The following COL19A1 variants were observed in gnomAD, a reference collection of about 807,000 sequenced individuals.
The protein encoded by COL19A1 is collagen type XIX alpha 1 chain.
Under a neutral mutation model 190.2 loss-of-function variants are expected in COL19A1, and 159 were observed. That is an observed-to-expected ratio of 0.84 (90% CI 0.73 to 0.95). The LOEUF (loss-of-function observed/expected upper bound fraction) is 0.95, where lower values mean the gene tolerates loss of function less well. COL19A1 is among the 40% of genes least tolerant of loss of function. The pLI is 0.00. For synonymous variants in COL19A1, 509 were observed against 458.9 expected, an observed-to-expected ratio of 1.11 and a Z score of -1.39; for missense variants, 1,418 against 1,431.9, an observed-to-expected ratio of 0.99 and a Z score of 0.16.
At chr6:69,908,389 G>T (rs935439659) in intron 4 of COL19A1, among the ~76,000 whole-genome samples, 39 of 152,106 alleles carry the variant, frequency 2.6e-4, no homozygotes, top group African/African-American at 8.7e-4. Flanking sequence ...TTACAAAGTT[G>T]TCCAGCTGTT....
intron 15 of COL19A1, among the ~76,000 whole-genome samples, chr6:70,080,252 T>A (rs1215481200): frequency 6.6e-6 from 1 of 152,200 alleles, no homozygotes; most frequent in Non-Finnish European, 1.5e-5. Context: ...ACCTACTACT[T>A]TCTTCCCTCA....
Position 69,900,329 on chromosome 6 carries a change from G to A in COL19A1, c.257G>A (p.Arg86Lys), listed in dbSNP as rs778117745. The A allele has an allele frequency of 5.8e-6, 9 of 1,543,530 alleles. No homozygotes were observed. The highest frequency in any genetic ancestry group is 7.0e-6 in the Non-Finnish European group (8 of 1,135,724). ...CFKLGSALLIRDTIKIFPKGL... is the reference protein window; with the variant it reads ...CFKLGSALLIKDTIKIFPKGL... ...AAATTGGGAAGTGCACTTCTTATTA[G>A]AGACACTATGTAAGTAAAAAATTAT... The change falls in exon 4 of 51, where the codon AGA (arginine) becomes AAA (lysine). Residue 86 changes from arginine to lysine, a missense_variant. Physicochemically the swap from Arg to Lys is conservative, Grantham distance 26 (BLOSUM62 2). Transcript: ENST00000620364.
rs1240137608 is a variant in COL19A1, at chr6:70,130,223, G to A, written c.1383G>A (p.Lys461=). 4.3e-6 allele frequency: 7 copies of A among 1,612,374 alleles called. No individual in the cohort carries two copies. Among genetic ancestry groups the A allele is most frequent in the Non-Finnish European group, 5.9e-6 (7 of 1,179,306 alleles). Reference sequence around the variant, plus strand: ...AAGCTGGAGGCCTGAAAGGAGACAAGGTAATCAGATTTTTTTTTTTTAGAT... The same window carrying A: ...AAGCTGGAGGCCTGAAAGGAGACAAAGTAATCAGATTTTTTTTTTTTAGAT... ...EHEAGGLKGD[K]GETGLPGFPG... Residue 461 remains lysine (K), a splice_region_variant and synonymous_variant, in exon 18 of 51, where the codon AAG becomes AAA. Coordinates refer to ENST00000620364, the MANE Select transcript of COL19A1 (RefSeq NM_001858.6).
chr6:70,146,520 C>T lies in COL19A1; in HGVS notation c.1771-139C>T, dbSNP rs1369197033. On this transcript the variant is annotated intron_variant, in intron 25 of 50. Transcript: ENST00000620364. Reference sequence around the variant, plus strand: ...AATCTATAACATATTGAAATTTTTACTCCCCGTTCCTTATTCTTTTATAGA... The same window carrying T: ...AATCTATAACATATTGAAATTTTTATTCCCCGTTCCTTATTCTTTTATAGA... 8 of 472,816 alleles carry T rather than the reference C, an allele frequency of 1.7e-5. No homozygotes were observed. In the East Asian group the frequency reaches 2.9e-4, roughly 17 times the overall value. 29.3% of individuals were successfully genotyped at this position (472,816 alleles called of 1,614,324 possible). A position where few individuals can be genotyped will look rare whatever the true frequency, so the allele number is the denominator to read the frequency against.
intron 1 of COL19A1, among the ~76,000 whole-genome samples, chr6:69,871,439 C>G (rs1380798329): frequency 6.6e-6 from 1 of 152,088 alleles, no homozygotes; most frequent in African/African-American, 2.4e-5. Flanking sequence ...CATTATTTCC[C>G]TTTATAATAA....
chr6:70,056,817 T>C (rs912170350), intron 14 of COL19A1, among the ~76,000 whole-genome samples: 1 of 152,158 alleles, frequency 6.6e-6, no homozygotes, highest in African/African-American at 2.4e-5. Flanking sequence ...TTTTCTCCTC[T>C]TAAACGTTTG....
rs1366310706 is a variant in COL19A1 at position 69,929,693 on chromosome 6, C to G, written c.659C>G (p.Pro220Arg). 6.2e-7 allele frequency: 1 copy of G among 1,610,554 alleles called. No homozygotes were observed. Among genetic ancestry groups the G allele is most frequent in the South Asian group, 1.1e-5 (1 of 90,710 alleles). Residue 220 changes from proline (P) to arginine (R), a missense_variant, in exon 6 of 51, where the codon CCT becomes CGT. Transcript: ENST00000620364. ...GCTACGCGAGCTTCAGATGGCAAGC[C>G]TGTGGATGTAAGTTGTGATGTTAGT... Reference protein sequence around the residue: ...VIATRASDGKPVDIELHQLKI... With the variant: ...VIATRASDGKRVDIELHQLKI...
chr6:70,110,578 A>T (rs1401840507), intron 16 of COL19A1, among the ~76,000 whole-genome samples: 2 of 152,168 alleles, frequency 1.3e-5, no homozygotes, highest in African/African-American at 2.4e-5. Context: ...TGTTCCCAAC[A>T]TTGCTAAAAT....
intron 11 of COL19A1, among the ~76,000 whole-genome samples, chr6:69,970,255 G>A (rs1212954644): frequency 6.6e-6 from 1 of 152,028 alleles, no homozygotes; most frequent in Non-Finnish European, 1.5e-5. Context: ...CTTCTCCCAT[G>A]GCCTAAAATA....
rs1439478080 is a variant in COL19A1, at chr6:70,207,181, C to T, written c.3336C>T (p.Gly1112=). The T allele has an allele frequency of 6.2e-6, 10 of 1,612,898 alleles. No homozygotes were observed. Among genetic ancestry groups the T allele is most frequent in the Middle Eastern group, 1.6e-4 (1 of 6,066 alleles). Residue 1112 remains glycine (G), a synonymous_variant, in exon 51 of 51, where the codon GGC becomes GGT. Coordinates refer to ENST00000620364, the MANE Select transcript of COL19A1 (RefSeq NM_001858.6). ...TGCCAGGCTCACCAGGTGCCCCAGG[C>T]CCACAGGGCCCCCCAGGACCCAGTG... ...LGLPGSPGAP[G]PQGPPGPSGR...
rs1776573623 is a variant in COL19A1, at chr6:69,990,759, T to G, written c.1026+27889T>G. On this transcript the variant is annotated intron_variant, in intron 11 of 50. Coordinates refer to ENST00000620364, the MANE Select transcript of COL19A1 (RefSeq NM_001858.6). ...ATGGTGGTGTGTGCCAAGAGCCACA[T>G]AATGTCTGAAAATCTTTCTTTTTGT... 2.0e-5 allele frequency among the ~76,000 whole-genome samples: 3 copies of G among 152,110 alleles called. No homozygotes were observed. The South Asian group carries it at 6.2e-4, about 31-fold the overall frequency.
At chr6:69,996,478 GGTAA>G (rs1028348040) in intron 11 of COL19A1, among the ~76,000 whole-genome samples, 6 of 151,846 alleles carry the variant, frequency 4.0e-5, no homozygotes, top group Non-Finnish European at 5.9e-5. Context: ...GTGTTAAGAT[GGTAA>G]GCTACAGGTA....
At chr6:70,127,173 G>A (rs1785251936) in intron 17 of COL19A1, among the ~76,000 whole-genome samples, 2 of 152,302 alleles carry the variant, frequency 1.3e-5, no homozygotes, top group African/African-American at 2.4e-5. Flanking sequence ...TCAGTTTAGG[G>A]AGCTGAAAAA....
intron 11 of COL19A1, among the ~76,000 whole-genome samples, chr6:70,003,797 A>G (rs1264347553): frequency 6.6e-6 from 1 of 152,180 alleles, no homozygotes; most frequent in East Asian, 1.9e-4. Flanking sequence ...TCCTGAATAC[A>G]GCACAGCAAT....
intron 16 of COL19A1, among the ~76,000 whole-genome samples, chr6:70,117,320 A>G (rs1021652462): frequency 3.3e-5 from 5 of 152,224 alleles, no homozygotes; most frequent in African/African-American, 1.2e-4. Context: ...TTTTTAACAG[A>G]GAACTCTTCC....
chr6:70,020,344 A>T (rs112328161), intron 11 of COL19A1, among the ~76,000 whole-genome samples: 2,969 of 152,130 alleles, frequency 0.02, 75 homozygotes, highest in African/African-American at 0.065. Context: ...TCAGATATAT[A>T]TATTTTTCTC....
At chr6:69,928,173 G>GC in intron 5 of COL19A1, 141 bp downstream of exon 5, 2 of 1,093,982 alleles carry the variant, frequency 1.8e-6, no homozygotes, top group Non-Finnish European at 2.6e-6. Flanking sequence ...ACAAGAAAAT[G>GC]CAAGTATTCT....
At chr6:70,153,056 C>G (rs1443128775) in intron 31 of COL19A1, among the ~76,000 whole-genome samples, 1 of 152,082 alleles carries the variant, frequency 6.6e-6, no homozygotes, top group Non-Finnish European at 1.5e-5. Flanking sequence ...CACTAAGGTT[C>G]TGAGTCCATA....
chr6:70,176,666 C>G, intron 42 of COL19A1, 102 bp downstream of exon 42: 1 of 1,035,614 alleles, frequency 9.7e-7, no homozygotes, highest in Non-Finnish European at 1.4e-6. Flanking sequence ...CATACCATAA[C>G]TCCCATGGCA....
Sources: allele counts gnomAD v4.1 joint callset (sites outside exome capture counted in the v4.1 genomes callset), GRCh38; gene constraint gnomAD v4.1.1; transcripts MANE v1.5; gene names NCBI Gene and HGNC (gene_info 2026-07-23, HGNC 2026-07-21).